CCSER1: variants seen among roughly 807,000 people sequenced by gnomAD.
The protein encoded by CCSER1 is coiled-coil serine rich protein 1.
CCSER1 carries 41 observed loss-of-function variants against 82.0 expected under a neutral mutation model. The observed-to-expected ratio is 0.50, with a 90% CI of 0.39 to 0.65. The LOEUF (loss-of-function observed/expected upper bound fraction) is 0.65, where lower values mean the gene tolerates loss of function less well. Ranked by LOEUF, CCSER1 falls within the 30% of genes least tolerant of loss-of-function variation. The pLI is 0.00. For synonymous variants in CCSER1, 414 were observed against 383.9 expected, an observed-to-expected ratio of 1.08 and a Z score of -0.92; for missense variants, 1,119 against 1,064.2, an observed-to-expected ratio of 1.05 and a Z score of -0.72.
At chr4:90,783,082 C>T (rs139934685) in intron 7 of CCSER1, among the ~76,000 whole-genome samples, 1 of 152,238 alleles carries the variant, frequency 6.6e-6, no homozygotes, top group African/African-American at 2.4e-5. Context: ...GCTAGGATTA[C>T]GGGCATAGGC....
intron 10 of CCSER1, among the ~76,000 whole-genome samples, chr4:91,535,829 C>T (rs1761269586): frequency 6.6e-6 from 1 of 151,988 alleles, no homozygotes; most frequent in Admixed American, 6.6e-5. Flanking sequence ...AACGTAATGA[C>T]TATAAAAGCA....
At chr4:91,041,935 G>A (rs1741994233) in intron 9 of CCSER1, among the ~76,000 whole-genome samples, 1 of 152,146 alleles carries the variant, frequency 6.6e-6, no homozygotes, top group Admixed American at 6.5e-5. Context: ...CCACTTGTTA[G>A]TTCTTAGTTT....
chr4:90,880,187 C>G (rs1721084456), intron 8 of CCSER1, among the ~76,000 whole-genome samples: 1 of 152,126 alleles, frequency 6.6e-6, no homozygotes, highest in Non-Finnish European at 1.5e-5. Flanking sequence ...GGTGGCTTGG[C>G]ACTCCTGGGC....
chr4:90,786,293 G>A (rs956601131), intron 7 of CCSER1, among the ~76,000 whole-genome samples: 1 of 152,122 alleles, frequency 6.6e-6, no homozygotes, highest in South Asian at 2.1e-4. Flanking sequence ...TGATGTTCAA[G>A]ATATACAAAT....
At chr4:90,209,196 C>G (rs566106012) in intron 1 of CCSER1, among the ~76,000 whole-genome samples, 1 of 152,084 alleles carries the variant, frequency 6.6e-6, no homozygotes, top group Admixed American at 6.6e-5. Flanking sequence ...AAAGGGTGAC[C>G]CGCTGAAATA....
chr4:91,577,267 C>G (rs1338139720), intron 10 of CCSER1, among the ~76,000 whole-genome samples: 1 of 151,720 alleles, frequency 6.6e-6, no homozygotes, highest in Non-Finnish European at 1.5e-5. Flanking sequence ...TGCTAAGCCA[C>G]AAGTTAGACC....
chr4:91,445,597 T>G (rs1755507399), intron 10 of CCSER1, among the ~76,000 whole-genome samples: 1 of 152,076 alleles, frequency 6.6e-6, no homozygotes, highest in Non-Finnish European at 1.5e-5. Context: ...CTCTCTCACT[T>G]TCTCACCCCC....
rs573494038 is a variant in CCSER1, at chr4:91,369,661, C to CTTT, written c.2218-228885_2218-228883dup. 3.0e-4 allele frequency among the ~76,000 whole-genome samples: 22 copies of CTTT among 73,464 alleles called. 1 individual carries two copies. The highest frequency in any genetic ancestry group is 7.1e-4 in the South Asian group (1 of 1,416). The allele number at this position is 73,464 out of a possible 152,430, so 48.2% of individuals were successfully genotyped here. A position where few individuals can be genotyped will look rare whatever the true frequency, so the allele number is the denominator to read the frequency against. On this transcript the variant is annotated intron_variant, in intron 10 of 10. Transcript: ENST00000509176. ...GTCCCAGGTCCAAATTAATCTGTAGCTTTTTTTTTTTTTTTTTTTTTTTTT... is the reference window on the plus strand; with the variant it reads ...GTCCCAGGTCCAAATTAATCTGTAGCTTTTTTTTTTTTTTTTTTTTTTTTTTTT...
intron 9 of CCSER1, among the ~76,000 whole-genome samples, chr4:90,937,753 T>C (rs757184940): frequency 2.0e-5 from 3 of 152,168 alleles, no homozygotes; most frequent in Non-Finnish European, 4.4e-5. Context: ...CCCCACAATA[T>C]ATCTGTATTT....
At chr4:90,715,896 C>G (rs1179013821) in intron 6 of CCSER1, among the ~76,000 whole-genome samples, 1 of 151,974 alleles carries the variant, frequency 6.6e-6, no homozygotes, top group East Asian at 1.9e-4. Flanking sequence ...AGATTATTCA[C>G]TTCAGCTCTG....
intron 9 of CCSER1, among the ~76,000 whole-genome samples, chr4:91,024,420 AC>A (rs1291955083): frequency 6.6e-6 from 1 of 151,992 alleles, no homozygotes; most frequent in African/African-American, 2.4e-5. Flanking sequence ...GGTTTGTAAT[AC>A]ATTTATTTTT....
chr4:90,428,604 G>C (rs892795447), intron 4 of CCSER1, among the ~76,000 whole-genome samples: 1 of 151,712 alleles, frequency 6.6e-6, no homozygotes. Flanking sequence ...AGTAGAAGTG[G>C]ATCATCATAA....
intron 10 of CCSER1, among the ~76,000 whole-genome samples, chr4:91,112,412 G>C (rs1159501058): frequency 6.6e-6 from 1 of 151,832 alleles, no homozygotes; most frequent in Non-Finnish European, 1.5e-5. Flanking sequence ...TTATTTACTT[G>C]TTGGATATTT....
intron 10 of CCSER1, among the ~76,000 whole-genome samples, chr4:91,331,967 A>G (rs1043236278): frequency 6.6e-6 from 1 of 152,140 alleles, no homozygotes; most frequent in Non-Finnish European, 1.5e-5. Flanking sequence ...AGGCTGATAC[A>G]TATACATATC....
chr4:91,130,309 A>G lies in CCSER1; in HGVS notation c.2217+44315A>G, dbSNP rs564018007. ...AAAGTATAGCTTATTTCAATTGACTATTTTTAAGTGTAATAACCAACATTT... is the reference window on the plus strand; with the variant it reads ...AAAGTATAGCTTATTTCAATTGACTGTTTTTAAGTGTAATAACCAACATTT... On this transcript the variant is annotated intron_variant, in intron 10 of 10. Transcript: ENST00000509176. Among the ~76,000 whole-genome samples, 152 of 152,008 alleles carry G rather than the reference A, an allele frequency of 1.0e-3. No individual in the cohort carries two copies. In the South Asian group the frequency reaches 0.017, roughly 17 times the overall value.
intron 10 of CCSER1, among the ~76,000 whole-genome samples, chr4:91,175,972 C>A (rs1490681527): frequency 1.3e-5 from 2 of 152,202 alleles, no homozygotes; most frequent in African/African-American, 2.4e-5. Flanking sequence ...AACATTTAAT[C>A]TTTAATCCAT....
chr4:90,210,295 A>G (rs1560803460), intron 1 of CCSER1, among the ~76,000 whole-genome samples: 1 of 152,188 alleles, frequency 6.6e-6, no homozygotes, highest in Admixed American at 6.5e-5. Context: ...AAAAATCTAC[A>G]CAAAAATAAT....
At chr4:90,475,437 T>C (rs1205332540) in intron 5 of CCSER1, among the ~76,000 whole-genome samples, 1 of 152,204 alleles carries the variant, frequency 6.6e-6, no homozygotes, top group Non-Finnish European at 1.5e-5. Flanking sequence ...TGCCTAAATA[T>C]AGGTCTCTTC....
intron 10 of CCSER1, among the ~76,000 whole-genome samples, chr4:91,236,010 C>T (rs1345134110): frequency 7.2e-6 from 1 of 138,204 alleles, no homozygotes; most frequent in African/African-American, 2.8e-5. Context: ...AGGATCAAAA[C>T]AATCAAAATG....
Sources: gnomAD v4.1 joint callset for allele counts (sites outside exome capture counted in the v4.1 genomes callset) on GRCh38, gnomAD v4.1.1 for gene constraint, MANE v1.5 for transcripts, NCBI Gene and HGNC (gene_info 2026-07-23, HGNC 2026-07-21) for gene names.